Variants in DCSTAMP observed in about 807,000 individuals in gnomAD.
The protein encoded by DCSTAMP is dendrocyte expressed seven transmembrane protein, also known as dendritic cell-specific transmembrane protein.
DCSTAMP carries 25 observed loss-of-function variants against 33.8 expected under a neutral mutation model. The ratio of observed to expected loss-of-function variants is 0.74; its 90% CI spans 0.54 to 1.03. The LOEUF is 1.03. Among genes scored for constraint, DCSTAMP ranks in the 50% least tolerant of loss-of-function variants. DCSTAMP has a pLI of 0.00. For missense variants in DCSTAMP, 531 were observed against 556.8 expected (o/e 0.95, Z 0.47); for synonymous variants, 245 against 216.7 (o/e 1.13, Z -1.15).
At chr8:104,343,222 G>T (rs907084950) in intron 1 of DCSTAMP, among the ~76,000 whole-genome samples, 5 of 152,194 alleles carry the variant, frequency 3.3e-5, no homozygotes, top group African/African-American at 1.2e-4. Context: ...CTTATTAGCT[G>T]TGTGACCTTG....
At chr8:104,352,366 T>C (rs1810113) in intron 2 of DCSTAMP, among the ~76,000 whole-genome samples, 95,921 of 152,000 alleles carry the variant, frequency 0.63, 31,305 homozygotes, top group Non-Finnish European at 0.72. Flanking sequence ...GGGTGGATAA[T>C]GGAAGTAGTG....
intron 2 of DCSTAMP, among the ~76,000 whole-genome samples, chr8:104,354,151 A>G (rs952353749): frequency 1.1e-4 from 16 of 152,144 alleles, no homozygotes; most frequent in African/African-American, 3.9e-4. Context: ...TCCAATAGGG[A>G]TGAGAATTTT....
Position 104,348,756 on chromosome 8 carries a change from G to A in DCSTAMP, c.204G>A (p.Thr68=), listed in dbSNP as rs201545994. Residue 68 remains threonine (T), a synonymous_variant, in exon 2 of 4, where the codon ACG becomes ACA. Coordinates refer to ENST00000297581, the MANE Select transcript of DCSTAMP (RefSeq NM_030788.4). ...CGGCCGCTGCCTCCTGGATTATCAC[G>A]TGTGTTCTGCTGTGTTGCTCCAAGC... ...IIAAAASWII[T]CVLLCCSKHA... 1.4e-5 allele frequency: 23 copies of A among 1,614,158 alleles called. No individual in the cohort carries two copies. Among genetic ancestry groups the A allele is most frequent in the African/African-American group, 1.1e-4 (8 of 75,034 alleles).
rs551749498 is a variant in DCSTAMP, at chr8:104,340,855, G to A, written c.-13+993G>A. Among the ~76,000 whole-genome samples, 129 of 152,310 alleles carry A rather than the reference G, an allele frequency of 8.5e-4. 1 individual carries two copies. The highest frequency in any genetic ancestry group is 1.3e-3 in the Non-Finnish European group (86 of 68,024). ...GCTGATGGGTTCAGACTGGGTTCCC[G>A]CAGGGGACCGGCAGGGCTGGTTGAG... On this transcript the variant is annotated intron_variant, in intron 1 of 3. Transcript: ENST00000297581.
At chr8:104,342,671 T>C (rs779016092) in intron 1 of DCSTAMP, among the ~76,000 whole-genome samples, 1 of 152,184 alleles carries the variant, frequency 6.6e-6, no homozygotes, top group African/African-American at 2.4e-5. Flanking sequence ...AAGTGCTGCC[T>C]GCAGGGGACA....
At chr8:104,347,335 G>C (rs72667456) in intron 1 of DCSTAMP, among the ~76,000 whole-genome samples, 4 of 152,154 alleles carry the variant, frequency 2.6e-5, no homozygotes, top group Non-Finnish European at 4.4e-5. Flanking sequence ...CGTGGTTACA[G>C]AGCAGAGACA....
At chr8:104,355,289 G>A in intron 3 of DCSTAMP, 104 bp downstream of exon 3, 3 of 1,197,360 alleles carry the variant, frequency 2.5e-6, no homozygotes, top group Non-Finnish European at 3.5e-6. Context: ...CTTCACATCA[G>A]GGCTTGTACC....
chr8:104,349,073 C>T lies in DCSTAMP; in HGVS notation c.521C>T (p.Ser174Phe), dbSNP rs561927283. 2.5e-6 allele frequency: 4 copies of T among 1,614,158 alleles called. No individual in the cohort carries two copies. In the African/African-American group the frequency reaches 4.0e-5, roughly 16 times the overall value. The change falls in exon 2 of 4, where the codon TCT (serine) becomes TTT (phenylalanine). Residue 174 changes from serine (S) to phenylalanine (F), a missense_variant. Physicochemically the swap from Ser to Phe is radical, Grantham distance 155. Transcript: ENST00000297581. ...TCTTGGAACCAGACCCTGGCAGTCT[C>T]TCTTTTCAGTCCCAGCCATGTCCTG... ...LVSWNQTLAV[S>F]LFSPSHVLEA...
chr8:104,354,364 G>C (rs1357250808), intron 2 of DCSTAMP, among the ~76,000 whole-genome samples: 1 of 152,118 alleles, frequency 6.6e-6, no homozygotes, highest in Admixed American at 6.5e-5. Flanking sequence ...GTATTGGGAG[G>C]ATATGATGGG....
At position 104,345,718 on chromosome 8, in the gene DCSTAMP, A is replaced by G. The variant is rs191484309; in HGVS notation, c.-12-2823A>G. Among the ~76,000 whole-genome samples the G allele has an allele frequency of 1.5e-4, 23 of 152,362 alleles. 1 individual carries two copies. The highest frequency in any genetic ancestry group is 1.2e-3 in the Admixed American group (19 of 15,306). ...GAGAAAGGAAAAATGAATCCAGAAT[A>G]TACATTATTAATTTTTTAGGAAGGA... is the stretch of plus-strand genomic sequence containing the variant. On this transcript the variant is annotated intron_variant, in intron 1 of 3. Coordinates refer to ENST00000297581, the MANE Select transcript of DCSTAMP (RefSeq NM_030788.4).
chr8:104,350,378 T>C (rs1007849265), intron 2 of DCSTAMP, among the ~76,000 whole-genome samples: 1 of 152,208 alleles, frequency 6.6e-6, no homozygotes, highest in Admixed American at 6.5e-5. Flanking sequence ...AAGCACCTTC[T>C]CTGAGTGAGA....
In DCSTAMP at chr8:104,349,468, A is replaced by G. The variant is rs1368574227; in HGVS notation, c.916A>G (p.Ile306Val). The change falls in exon 2 of 4, where the codon ATC becomes GTC. Residue 306 changes from isoleucine to valine, a missense_variant. Ile to Val is a conservative substitution (Grantham distance 29). Transcript: ENST00000297581. ...CCTCCCCATACTTATCCATCTCTGC[A>G]TCTGGGTGCTGTTTGCAGCTGTAGA... Reference protein sequence around the residue: ...FFLPILIHLCIWVLFAAVDYL... With the variant: ...FFLPILIHLCVWVLFAAVDYL... 2 of 1,614,204 alleles carry G rather than the reference A, an allele frequency of 1.2e-6. No individual in the cohort carries two copies. Among genetic ancestry groups the G allele is most frequent in the South Asian group, 2.2e-5 (2 of 91,086 alleles).
At chr8:104,353,028 T>G (rs1810508257) in intron 2 of DCSTAMP, among the ~76,000 whole-genome samples, 1 of 152,208 alleles carries the variant, frequency 6.6e-6, no homozygotes, top group African/African-American at 2.4e-5. Flanking sequence ...CTCCCTCACT[T>G]TAATATGATT....
rs777186140 is a variant in DCSTAMP at position 104,348,707 on chromosome 8, G to A, written c.155G>A (p.Cys52Tyr). The change falls in exon 2 of 4, where the codon TGC (cysteine) becomes TAC (tyrosine). Residue 52 changes from cysteine to tyrosine, a missense_variant. Cys to Tyr is a radical substitution (Grantham distance 194). Coordinates refer to ENST00000297581, the MANE Select transcript of DCSTAMP (RefSeq NM_030788.4). ...GTGGGCCTCCTGTCTGTGGCCGCCT[G>A]CTGGTTTCTGCCATCAATCATAGCG... Reference protein sequence around the residue: ...ISVGLLSVAACWFLPSIIAAA... With the variant: ...ISVGLLSVAAYWFLPSIIAAA... 5 of 1,614,172 alleles carry A rather than the reference G, an allele frequency of 3.1e-6. No individual in the cohort carries two copies. Among genetic ancestry groups the A allele is most frequent in the Non-Finnish European group, 4.2e-6 (5 of 1,180,034 alleles).
intron 2 of DCSTAMP, 112 bp downstream of exon 2, chr8:104,349,693 T>C: frequency 1.6e-6 from 2 of 1,230,538 alleles, no homozygotes; most frequent in Non-Finnish European, 2.3e-6. Flanking sequence ...TTTGCATCCT[T>C]GGTGCCCAGC....
Position 104,348,898 on chromosome 8 carries a change from C to T in DCSTAMP, c.346C>T (p.His116Tyr). The change falls in exon 2 of 4, where the codon CAC (histidine) becomes TAC (tyrosine). Residue 116 changes from histidine to tyrosine, a missense_variant. By Grantham distance (83) the His-to-Tyr change is moderately conservative. Coordinates refer to ENST00000297581, the MANE Select transcript of DCSTAMP (RefSeq NM_030788.4). ...VILGHVENIF[H>Y]NFKGLLDGMT... ...CTTGGGACACGTAGAAAATATTTTT[C>T]ACAACTTTAAAGGTCTCCTAGATGG... 1 of 1,614,202 alleles carries T rather than the reference C, an allele frequency of 6.2e-7. No homozygotes were observed. Among genetic ancestry groups the T allele is most frequent in the Non-Finnish European group, 8.5e-7 (1 of 1,180,040 alleles).
At chr8:104,340,883 G>A (rs771159352) in intron 1 of DCSTAMP, among the ~76,000 whole-genome samples, 5 of 152,232 alleles carry the variant, frequency 3.3e-5, no homozygotes, top group Non-Finnish European at 7.3e-5. Context: ...TGGTTGAGGA[G>A]TACAGAAAGA....
intron 1 of DCSTAMP, among the ~76,000 whole-genome samples, chr8:104,340,948 T>C (rs949303265): frequency 3.9e-5 from 6 of 152,196 alleles, no homozygotes; most frequent in African/African-American, 1.4e-4. Context: ...GCAGACTATA[T>C]CTGGGCTTGT....
At chr8:104,342,097 CAGTT>C (rs1288114930) in intron 1 of DCSTAMP, among the ~76,000 whole-genome samples, 1 of 152,118 alleles carries the variant, frequency 6.6e-6, no homozygotes, top group Non-Finnish European at 1.5e-5. Flanking sequence ...GGGAATAAAA[CAGTT>C]AGAAATCTTT....
Sources: gnomAD v4.1 joint callset for allele counts (sites outside exome capture counted in the v4.1 genomes callset) on GRCh38, gnomAD v4.1.1 for gene constraint, MANE v1.5 for transcripts, NCBI Gene and HGNC (gene_info 2026-07-23, HGNC 2026-07-21) for gene names.